MYO1H: variants seen among roughly 807,000 people sequenced by gnomAD.
MYO1H encodes unconventional myosin-Ih.
In MYO1H, 118 loss-of-function variants were observed where a neutral mutation model predicts 149.3. The ratio of observed to expected loss-of-function variants is 0.79; its 90% CI spans 0.68 to 0.92. The LOEUF (loss-of-function observed/expected upper bound fraction) is 0.92, where lower values mean the gene tolerates loss of function less well. MYO1H is among the 40% of genes least tolerant of loss of function. The pLI, the probability that MYO1H is intolerant of heterozygous loss-of-function variation, is 0.00. For synonymous variants in MYO1H, 447 were observed against 465.2 expected (o/e 0.96, Z 0.50); for missense variants, 1,212 against 1,280.7 (o/e 0.95, Z 0.82).
the MYO1H span, among the ~76,000 whole-genome samples, chr12:109,312,795 T>C: frequency 4.8e-5 from 7 of 146,814 alleles, no homozygotes; most frequent in Admixed American, 4.0e-4. Flanking sequence ...GTTTTGTTTT[T>C]TTTTTTTTTA....
intron 18 of MYO1H, among the ~76,000 whole-genome samples, chr12:109,426,271 C>T (rs1337516181): frequency 1.3e-5 from 2 of 152,150 alleles, no homozygotes; most frequent in African/African-American, 2.4e-5. Context: ...ATCACTTGAA[C>T]CCAGGAATTG....
chr12:109,424,790 C>T (rs938773891), exon 17 of MYO1H: 17 of 1,613,838 alleles, frequency 1.1e-5, no homozygotes, highest in Non-Finnish European at 1.4e-5. Flanking sequence ...GGAATGCTTC[C>T]TGCTGGCCGA....
chr12:109,401,071 C>T (rs779019100), intron 5 of MYO1H, 22 bp from the exon 6 acceptor site: 1 of 1,606,760 alleles, frequency 6.2e-7, no homozygotes, highest in Non-Finnish European at 8.5e-7. Flanking sequence ...GTCACTGCTG[C>T]AATTTTTGTT....
At chr12:109,327,739 CAAAAAAA>C in the MYO1H span, among the ~76,000 whole-genome samples, 3 of 85,666 alleles carry the variant, frequency 3.5e-5, no homozygotes, top group Admixed American at 2.9e-4. Context: ...AAAACTGTCT[CAAAAAAA>C]AAAAAAAAAA....
the MYO1H span, among the ~76,000 whole-genome samples, chr12:109,342,541 C>CTT: frequency 7.6e-3 from 761 of 100,498 alleles, 42 homozygotes; most frequent in African/African-American, 0.018. Context: ...CTTCAGGAGA[C>CTT]TTTTTTTTTT....
At chr12:109,410,646 C>T in intron 12 of MYO1H, 42 bp from the exon 13 acceptor site, 1 of 1,410,354 alleles carries the variant, frequency 7.1e-7, no homozygotes, top group Non-Finnish European at 9.9e-7. Flanking sequence ...TGATGCTCAT[C>T]TAAATATTTC....
chr12:109,417,509 A>T (rs1182890311), intron 15 of MYO1H, among the ~76,000 whole-genome samples: 1 of 151,696 alleles, frequency 6.6e-6, no homozygotes, highest in Non-Finnish European at 1.5e-5. Context: ...TTGCATTTTT[A>T]GTAGAGACGG....
At chr12:109,444,482 C>G in exon 30 of MYO1H, 1 of 1,613,952 alleles carries the variant, frequency 6.2e-7, no homozygotes. Context: ...TTACTAAACT[C>G]GTCATGCTGG....
intron 1 of MYO1H, among the ~76,000 whole-genome samples, chr12:109,385,781 C>T (rs2137029423): frequency 6.6e-6 from 1 of 152,220 alleles, no homozygotes; most frequent in Middle Eastern, 3.4e-3. Flanking sequence ...CATAAATCCC[C>T]CTCTACCCAC....
chr12:109,412,015 T>C, intron 14 of MYO1H, 30 bp downstream of exon 14: 3 of 1,452,464 alleles, frequency 2.1e-6, no homozygotes, highest in South Asian at 1.3e-5. Context: ...AGATTTTGCA[T>C]GGGGGAAGAT....
At chr12:109,396,515 C>G (rs762185972) in exon 4 of MYO1H, 2 of 1,613,938 alleles carry the variant, frequency 1.2e-6, no homozygotes, top group Admixed American at 3.3e-5. Context: ...TTTGCAGTGA[C>G]CTGCCCAATG....
the MYO1H span, among the ~76,000 whole-genome samples, chr12:109,312,251 C>T: frequency 2.0e-5 from 3 of 151,956 alleles, no homozygotes; most frequent in South Asian, 6.2e-4. Flanking sequence ...CTCGCTCTGT[C>T]ATCTAGGCTG....
At chr12:109,343,381 A>G (rs139960372), upstream of MYO1H, among the ~76,000 whole-genome samples, 1 of 152,368 alleles carries the variant, frequency 6.6e-6, no homozygotes, top group African/African-American at 2.4e-5. Context: ...GTCCATTATT[A>G]TAACTCAACA....
intron 19 of MYO1H, among the ~76,000 whole-genome samples, chr12:109,431,464 G>C (rs1362413276): frequency 6.6e-6 from 1 of 152,168 alleles, no homozygotes; most frequent in African/African-American, 2.4e-5. Flanking sequence ...ATTGAGTCTT[G>C]GACTGGGACT....
chr12:109,396,345 C>G (rs780342946), intron 3 of MYO1H, 39 bp from the exon 4 acceptor site: 1 of 1,542,054 alleles, frequency 6.5e-7, no homozygotes. Context: ...AGGGAAGTAC[C>G]ATTAAAACGA....
Position 109,427,455 on chromosome 12 carries a change from C to G in MYO1H, c.1832-14C>G, listed in dbSNP as rs773529671. 1 of 1,549,602 alleles carries G rather than the reference C, an allele frequency of 6.5e-7. No individual in the cohort carries two copies. The highest frequency in any genetic ancestry group is 8.9e-7 in the Non-Finnish European group (1 of 1,122,152). On this transcript the variant is annotated splice_polypyrimidine_tract_variant and intron_variant, in intron 18 of 31. Transcript: ENST00000310903. ...GGATCCTTTCCTGTCATTCTCTGTT[C>G]TATTTCTCCAAAGGCAAATTTGATG...
At chr12:109,336,852 C>T in the MYO1H span, among the ~76,000 whole-genome samples, 2 of 152,144 alleles carry the variant, frequency 1.3e-5, no homozygotes, top group Admixed American at 1.3e-4. Flanking sequence ...GAACCAATTG[C>T]CATTGTCATA....
chr12:109,426,588 G>A (rs1174818979), intron 18 of MYO1H, among the ~76,000 whole-genome samples: 1 of 152,158 alleles, frequency 6.6e-6, no homozygotes, highest in Non-Finnish European at 1.5e-5. Context: ...GCATTTCTCA[G>A]AGGTTGTTCA....
chr12:109,412,980 G>GTTGTTGTTGTTA (rs1555253016), intron 14 of MYO1H, among the ~76,000 whole-genome samples: 52 of 144,586 alleles, frequency 3.6e-4, no homozygotes, highest in African/African-American at 1.5e-3. Context: ...TGTTGTTGTT[G>GTTGTTGTTGTTA]TTATTATTAT....
Sources: gnomAD v4.1 joint callset for allele counts (sites outside exome capture counted in the v4.1 genomes callset) on GRCh38, gnomAD v4.1.1 for gene constraint, MANE v1.5 for transcripts, NCBI Gene and HGNC (gene_info 2026-07-23, HGNC 2026-07-21) for gene names.